The following PDE4DIP variants were observed in gnomAD, a reference collection of about 807,000 sequenced individuals.
PDE4DIP encodes the protein phosphodiesterase 4D interacting protein.
A neutral mutation model predicts 221.4 loss-of-function variants in PDE4DIP; 59 were observed. The observed-to-expected ratio is 0.27, with a 90% CI of 0.22 to 0.33. PDE4DIP has a LOEUF of 0.33. Ranked by LOEUF, PDE4DIP falls within the 10% of genes least tolerant of loss-of-function variation. PDE4DIP has a pLI of 1.00. For missense variants in PDE4DIP, 1,036 were observed against 2,154.2 expected (o/e 0.48, Z 10.28); for synonymous variants, 404 against 815.9 (o/e 0.50, Z 8.60).
In PDE4DIP at chr1:149,032,175, G is replaced by A. The variant is rs1177786855; in HGVS notation, c.*190G>A. ...TGTATCCTGGTGGAGCTGGGAGAAA[G>A]GCAGAAAGCCTTTCTGACGGCTATG... On this transcript the variant is annotated 3_prime_UTR_variant, in exon 44 of 44. Coordinates refer to ENST00000369354, the Ensembl canonical transcript of PDE4DIP. 50 of 1,147,896 alleles carry A rather than the reference G, an allele frequency of 4.4e-5. No individual in the cohort carries two copies. In the African/African-American group the frequency reaches 5.8e-4, roughly 13 times the overall value. The allele number at this position is 1,147,896 out of a possible 1,614,324, so 71.1% of individuals were successfully genotyped here. A position where few individuals can be genotyped will look rare whatever the true frequency, so the allele number is the denominator to read the frequency against.
intron 4 of PDE4DIP, among the ~76,000 whole-genome samples, chr1:148,934,441 C>T (rs2048748840): frequency 6.6e-6 from 1 of 152,162 alleles, no homozygotes; most frequent in African/African-American, 2.4e-5. Context: ...AACAGATCCT[C>T]TGTGGAGACT....
chr1:149,031,339 G>C (rs1378738348), intron 43 of PDE4DIP: 1 of 154,054 alleles, frequency 6.5e-6, no homozygotes, highest in Admixed American at 6.1e-5. Context: ...CACTGGAAAG[G>C]ACCCGAGGCC....
At chr1:148,907,345 CT>C (rs1189564575) in intron 1 of PDE4DIP, among the ~76,000 whole-genome samples, 8 of 129,000 alleles carry the variant, frequency 6.2e-5, no homozygotes, top group Non-Finnish European at 1.0e-4. Context: ...TTTTTGTTGC[CT>C]GTATACCTTG....
At chr1:148,963,879 A>G (rs1320779145) in intron 9 of PDE4DIP, among the ~76,000 whole-genome samples, 21 of 141,460 alleles carry the variant, frequency 1.5e-4, no homozygotes, top group African/African-American at 2.4e-4. Flanking sequence ...TCAGCCTCCC[A>G]AGTAGCTGGG....
intron 5 of PDE4DIP, among the ~76,000 whole-genome samples, chr1:148,955,172 C>T (rs2054908427): frequency 6.6e-6 from 1 of 152,188 alleles, no homozygotes; most frequent in African/African-American, 2.4e-5. Flanking sequence ...CTGTGTACTT[C>T]TTTTCTTTTG....
At chr1:148,999,871 G>A (rs1357785010) in intron 23 of PDE4DIP, among the ~76,000 whole-genome samples, 4 of 151,460 alleles carry the variant, frequency 2.6e-5, no homozygotes, top group Non-Finnish European at 4.4e-5. Context: ...CTAATGCATT[G>A]TTCTTCCTTT....
At chr1:148,983,097 C>G (rs782027701) in intron 21 of PDE4DIP, 26 of 152,062 alleles carry the variant, frequency 1.7e-4, no homozygotes, top group Non-Finnish European at 3.5e-4. Context: ...GTAGGCCGAT[C>G]CATCCACTTT....
At chr1:148,969,707 CTTTTTTT>C (rs66883683) in intron 14 of PDE4DIP, among the ~76,000 whole-genome samples, 2 of 135,022 alleles carry the variant, frequency 1.5e-5, no homozygotes, top group South Asian at 2.4e-4. Context: ...GAAGTAAATT[CTTTTTTT>C]TTTTTTTTTT....
At chr1:148,970,776 GT>G (rs1420371844) in intron 14 of PDE4DIP, among the ~76,000 whole-genome samples, 3 of 151,794 alleles carry the variant, frequency 2.0e-5, no homozygotes, top group African/African-American at 7.3e-5. Flanking sequence ...TATTTATTAT[GT>G]TTTTTCCCCA....
chr1:148,972,707 A>G, intron 16 of PDE4DIP, 115 bp downstream of exon 19: 2 of 519,370 alleles, frequency 3.9e-6, no homozygotes, highest in Non-Finnish European at 6.8e-6. Flanking sequence ...CCTTAATAGA[A>G]CAAATAAGTT....
chr1:148,981,122 G>A lies in PDE4DIP; in HGVS notation c.2688-148G>A, dbSNP rs587609829. Reference sequence around the variant, plus strand: ...GCAGTGAACACAAATGCCACACAAAGACTACATTCATTTATTGTGTCCTGG... The same window carrying A: ...GCAGTGAACACAAATGCCACACAAAAACTACATTCATTTATTGTGTCCTGG... On this transcript the variant is annotated intron_variant, in intron 20 of 43. Transcript: ENST00000369354. 1.6e-4 allele frequency: 114 copies of A among 717,766 alleles called. 1 individual carries two copies. In the Middle Eastern group the frequency reaches 2.9e-3, roughly 18 times the overall value. 44.5% of individuals were successfully genotyped at this position (717,766 alleles called of 1,614,324 possible).
At chr1:148,844,543 G>A (rs1266507573) in intron 1 of PDE4DIP, 2 of 102,768 alleles carry the variant, frequency 1.9e-5, no homozygotes, top group Non-Finnish European at 4.2e-5. Context: ...ACTGAGAACA[G>A]TCCCTCCCTT....
intron 5 of PDE4DIP, among the ~76,000 whole-genome samples, chr1:148,949,773 C>G (rs1553486178): frequency 6.6e-6 from 1 of 152,024 alleles, no homozygotes; most frequent in East Asian, 1.9e-4. Flanking sequence ...CACACAGGGA[C>G]TAATTCTAGT....
exon 34 of PDE4DIP, chr1:149,017,771 C>G: frequency 1.2e-6 from 2 of 1,605,360 alleles, no homozygotes. Context: ...GGAAGAGCAT[C>G]TTGGTGAAAT....
At chr1:148,946,417 A>G (rs1444926106) in intron 5 of PDE4DIP, among the ~76,000 whole-genome samples, 2 of 135,172 alleles carry the variant, frequency 1.5e-5, no homozygotes, top group African/African-American at 2.8e-5. Flanking sequence ...GCGCATGCCT[A>G]TAATCCCAGC....
intron 19 of PDE4DIP, among the ~76,000 whole-genome samples, chr1:148,978,988 A>G (rs2060651947): frequency 6.6e-6 from 1 of 151,626 alleles, no homozygotes; most frequent in Non-Finnish European, 1.5e-5. Flanking sequence ...CCTCAACTGA[A>G]TCTTTCTCTT....
intron 19 of PDE4DIP, 52 bp downstream of exon 22, chr1:148,978,467 CTTT>C (rs373352718): frequency 4.8e-4 from 460 of 961,652 alleles, no homozygotes; most frequent in Middle Eastern, 1.5e-3. Flanking sequence ...TTTTTGTATT[CTTT>C]TTTTTTTTTT....
chr1:148,980,378 C>T (rs781930914), intron 20 of PDE4DIP, among the ~76,000 whole-genome samples: 2 of 151,946 alleles, frequency 1.3e-5, no homozygotes, highest in African/African-American at 4.8e-5. Flanking sequence ...GGCAACAGAG[C>T]GAGACTCCGT....
intron 5 of PDE4DIP, among the ~76,000 whole-genome samples, chr1:148,938,910 A>T (rs1347173893): frequency 7.0e-6 from 1 of 142,276 alleles, no homozygotes; most frequent in Non-Finnish European, 1.5e-5. Flanking sequence ...TTACAGGTGC[A>T]TGCCACCACA....
Sources: gnomAD v4.1 joint callset for allele counts (sites outside exome capture counted in the v4.1 genomes callset) on GRCh38, gnomAD v4.1.1 for gene constraint, MANE v1.5 for transcripts, NCBI Gene and HGNC (gene_info 2026-07-23, HGNC 2026-07-21) for gene names.